Variants in ANKRD30B observed in about 807,000 individuals in gnomAD.
The protein encoded by ANKRD30B is ankyrin repeat domain-containing protein 30B.
Under a neutral mutation model 202.2 loss-of-function variants are expected in ANKRD30B, and 144 were observed. That is an observed-to-expected ratio of 0.71 (90% CI 0.62 to 0.82). ANKRD30B has a LOEUF of 0.82. Ranked by LOEUF, ANKRD30B falls within the 40% of genes least tolerant of loss-of-function variation. ANKRD30B has a pLI of 0.00. For missense variants in ANKRD30B, 1,487 were observed against 1,669.1 expected, an observed-to-expected ratio of 0.89 and a Z score of 1.90; for synonymous variants, 508 against 561.3, an observed-to-expected ratio of 0.91 and a Z score of 1.34.
intron 22 of ANKRD30B, 149 bp downstream of exon 22, chr18:14,799,444 G>C (rs887447701): frequency 2.0e-5 from 18 of 881,422 alleles, no homozygotes; most frequent in Non-Finnish European, 1.7e-6. Flanking sequence ...ATTCATGTTT[G>C]AGAAAATGCC....
chr18:14,752,284 A>C (rs951499077), intron 1 of ANKRD30B, among the ~76,000 whole-genome samples: 4 of 152,194 alleles, frequency 2.6e-5, no homozygotes, highest in African/African-American at 9.7e-5. Context: ...CGAGGTGCAG[A>C]AAGTTTAAGT....
downstream of ANKRD30B, among the ~76,000 whole-genome samples, chr18:14,859,107 G>A (rs1335226907): frequency 1.7e-4 from 22 of 127,980 alleles, no homozygotes; most frequent in Admixed American, 4.4e-4. Context: ...TGGGGTGGCC[G>A]GGCAGAGGCG....
chr18:14,755,048 G>A (rs768247558), intron 4 of ANKRD30B, 43 bp downstream of exon 4: 52 of 1,124,358 alleles, frequency 4.6e-5, no homozygotes, highest in Non-Finnish European at 2.6e-5. Flanking sequence ...CTTGACTAGT[G>A]TTCTAGAGTA....
chr18:14,769,812 C>T (rs573641726), intron 8 of ANKRD30B, among the ~76,000 whole-genome samples: 4 of 152,294 alleles, frequency 2.6e-5, no homozygotes, highest in Non-Finnish European at 5.9e-5. Flanking sequence ...TCATCAAATA[C>T]TTTGTTCTAA....
In ANKRD30B at chr18:14,837,650, G is replaced by A. The variant is rs1392024461; in HGVS notation, c.2962G>A (p.Asp988Asn). The change falls in exon 36 of 44, where the codon GAT becomes AAT. Residue 988 changes from aspartate (D) to asparagine (N), a missense_variant. Transcript: ENST00000690538. ...MPTSELGRKE[D>N]TKSTSDSEII... ...CACATCAGAATTAGGAAGAAAAGAA[G>A]ATACAAAATCAACTTCAGATTCTGA... The A allele has an allele frequency of 1.3e-6, 2 of 1,540,734 alleles. No individual in the cohort carries two copies. The highest frequency in any genetic ancestry group is 8.7e-7 in the Non-Finnish European group (1 of 1,144,584).
At chr18:14,863,318 C>A in the ANKRD30B span, among the ~76,000 whole-genome samples, 121 of 152,240 alleles carry the variant, frequency 7.9e-4, no homozygotes, top group Middle Eastern at 3.4e-3. Flanking sequence ...TTAGCTCCAT[C>A]CCCTTGGTGA....
chr18:14,779,894 GTA>G (rs2143844643), intron 10 of ANKRD30B, 64 bp from the exon 11 acceptor site: 2 of 1,123,008 alleles, frequency 1.8e-6, no homozygotes, highest in Non-Finnish European at 2.6e-6. Flanking sequence ...AAATAGATTT[GTA>G]TATGTTTTTA....
intron 18 of ANKRD30B, among the ~76,000 whole-genome samples, 188 bp downstream of exon 18, chr18:14,796,603 C>G (rs1598634293): frequency 6.6e-6 from 1 of 152,024 alleles, no homozygotes; most frequent in East Asian, 1.9e-4. Flanking sequence ...TAGAGATTAA[C>G]AAAAAATTCA....
chr18:14,785,321 A>C (rs1598614231), intron 14 of ANKRD30B, among the ~76,000 whole-genome samples: 2 of 152,296 alleles, frequency 1.3e-5, no homozygotes, highest in East Asian at 3.9e-4. Context: ...CAACATTCTT[A>C]TTTGATCAGC....
At chr18:14,771,660 CAAAG>C (rs1305793898) in intron 8 of ANKRD30B, among the ~76,000 whole-genome samples, 1 of 152,138 alleles carries the variant, frequency 6.6e-6, no homozygotes, top group African/African-American at 2.4e-5. Context: ...TGTTGAAAAA[CAAAG>C]AATGTCATTT....
At chr18:14,862,679 T>A in the ANKRD30B span, among the ~76,000 whole-genome samples, 2 of 152,082 alleles carry the variant, frequency 1.3e-5, no homozygotes, top group East Asian at 3.9e-4. Flanking sequence ...CACCTCGAGA[T>A]CCCTGAATGG....
intron 18 of ANKRD30B, among the ~76,000 whole-genome samples, 199 bp from the exon 19 acceptor site, chr18:14,797,462 A>T (rs1210588795): frequency 6.6e-6 from 1 of 152,142 alleles, no homozygotes; most frequent in East Asian, 1.9e-4. Flanking sequence ...TGCATCTTTT[A>T]TTCCATAGCA....
At chr18:14,937,567 G>C in the ANKRD30B span, among the ~76,000 whole-genome samples, 2 of 50,986 alleles carry the variant, frequency 3.9e-5, no homozygotes, top group Admixed American at 3.8e-4. Context: ...TCTTTCATGG[G>C]GTGTAGCCAA....
the ANKRD30B span, among the ~76,000 whole-genome samples, chr18:14,932,159 C>T: frequency 2.0e-5 from 3 of 151,102 alleles, no homozygotes; most frequent in East Asian, 6.0e-4. Context: ...CCTTCTCTGT[C>T]GGCCCAGCCT....
the ANKRD30B span, among the ~76,000 whole-genome samples, chr18:14,869,911 C>T: frequency 7.9e-5 from 12 of 151,768 alleles, no homozygotes; most frequent in East Asian, 1.9e-4. Flanking sequence ...CTTGGCTCAC[C>T]GCAACCTCTG....
At chr18:14,834,966 T>C (rs1176264875) in intron 34 of ANKRD30B, among the ~76,000 whole-genome samples, 2 of 151,986 alleles carry the variant, frequency 1.3e-5, no homozygotes, top group African/African-American at 2.4e-5. Flanking sequence ...ACTTTTTGAT[T>C]CTTTGGTTTC....
chr18:14,904,960 G>T, the ANKRD30B span, among the ~76,000 whole-genome samples: 2 of 152,312 alleles, frequency 1.3e-5, no homozygotes, highest in Non-Finnish European at 2.9e-5. Flanking sequence ...GGCATGAGAT[G>T]CAGGTCATGC....
At chr18:14,921,827 G>T in the ANKRD30B span, among the ~76,000 whole-genome samples, 5 of 152,098 alleles carry the variant, frequency 3.3e-5, no homozygotes, top group African/African-American at 4.8e-5. Context: ...GGCAATTGGC[G>T]GTTCTCAGTA....
chr18:14,895,959 A>G, the ANKRD30B span, among the ~76,000 whole-genome samples: 1 of 152,204 alleles, frequency 6.6e-6, no homozygotes, highest in Non-Finnish European at 1.5e-5. Flanking sequence ...CACGATATAC[A>G]TTTGTCAGAA....
Sources: gnomAD v4.1 joint callset for allele counts (sites outside exome capture counted in the v4.1 genomes callset) on GRCh38, gnomAD v4.1.1 for gene constraint, MANE v1.5 for transcripts, NCBI Gene and HGNC (gene_info 2026-07-23, HGNC 2026-07-21) for gene names.